ELMO1: variants seen among roughly 807,000 people sequenced by gnomAD.
ELMO1 encodes engulfment and cell motility protein 1.
In ELMO1, 26 loss-of-function variants were observed where a neutral mutation model predicts 98.9. That is an observed-to-expected ratio of 0.26 (90% CI 0.19 to 0.36). The LOEUF is 0.36. ELMO1 is among the 10% of genes least tolerant of loss of function. ELMO1 has a pLI of 1.00. For missense variants in ELMO1, 627 were observed against 935.2 expected (o/e 0.67, Z 4.30); for synonymous variants, 346 against 346.0 (o/e 1.00, Z 0.00).
chr7:36,994,479 C>T (rs1210718726), intron 16 of ELMO1, among the ~76,000 whole-genome samples: 2 of 152,240 alleles, frequency 1.3e-5, no homozygotes, highest in Admixed American at 6.5e-5. Context: ...AATCCTACTG[C>T]AAACCTTAAA....
intron 16 of ELMO1, among the ~76,000 whole-genome samples, chr7:37,001,813 AC>A (rs1792689920): frequency 6.6e-6 from 1 of 152,216 alleles, no homozygotes; most frequent in African/African-American, 2.4e-5. Context: ...CAGAAAAATT[AC>A]TTTAGGTGAA....
intron 13 of ELMO1, among the ~76,000 whole-genome samples, chr7:37,171,679 AGAC>A (rs2129822067): frequency 6.6e-6 from 1 of 151,640 alleles, no homozygotes; most frequent in East Asian, 1.9e-4. Context: ...TTTTTAGTGG[AGAC>A]GGGGTTTCAC....
intron 1 of ELMO1, among the ~76,000 whole-genome samples, chr7:37,386,053 C>A (rs1802790037): frequency 6.6e-6 from 1 of 152,298 alleles, no homozygotes; most frequent in Non-Finnish European, 1.5e-5. Flanking sequence ...GCCTTTTACC[C>A]AGAATGACTT....
chr7:37,021,911 T>C (rs1289447879), intron 15 of ELMO1, among the ~76,000 whole-genome samples: 1 of 152,154 alleles, frequency 6.6e-6, no homozygotes, highest in Non-Finnish European at 1.5e-5. Flanking sequence ...AGTGTGGTAT[T>C]GGTGTATGGA....
intron 13 of ELMO1, among the ~76,000 whole-genome samples, chr7:37,165,425 G>C (rs1789600715): frequency 6.6e-6 from 1 of 151,986 alleles, no homozygotes; most frequent in South Asian, 2.1e-4. Context: ...AGTTTTCAAA[G>C]GGAATGCTTC....
chr7:37,068,390 T>TAAG (rs1202094136), intron 15 of ELMO1, among the ~76,000 whole-genome samples: 3 of 152,234 alleles, frequency 2.0e-5, no homozygotes, highest in Non-Finnish European at 4.4e-5. Context: ...TTGTGACCAT[T>TAAG]AAGATGTGAT....
intron 15 of ELMO1, among the ~76,000 whole-genome samples, chr7:37,060,920 G>A (rs1796636633): frequency 6.6e-6 from 1 of 152,132 alleles, no homozygotes; most frequent in African/African-American, 2.4e-5. Context: ...GAAGGTTTCT[G>A]TCCACAGAGG....
At chr7:37,098,486 G>C (rs1784475926) in intron 14 of ELMO1, among the ~76,000 whole-genome samples, 1 of 152,182 alleles carries the variant, frequency 6.6e-6, no homozygotes, top group African/African-American at 2.4e-5. Context: ...GGACTATTGA[G>C]AATCAAACGA....
At chr7:37,380,908 T>C (rs146869368) in intron 1 of ELMO1, among the ~76,000 whole-genome samples, 55 of 152,274 alleles carry the variant, frequency 3.6e-4, no homozygotes, top group African/African-American at 1.1e-3. Context: ...GAACATTAGA[T>C]AGCACGCCAG....
chr7:37,210,132 TTCTG>T (rs1554443070), intron 13 of ELMO1, among the ~76,000 whole-genome samples: 4 of 152,162 alleles, frequency 2.6e-5, no homozygotes, highest in Non-Finnish European at 2.9e-5. Context: ...GGACATGACT[TTCTG>T]TGTGTGGAAA....
intron 2 of ELMO1, among the ~76,000 whole-genome samples, chr7:37,324,009 C>T (rs1225924132): frequency 6.6e-6 from 1 of 152,206 alleles, no homozygotes; most frequent in African/African-American, 2.4e-5. Context: ...GACCCAGCCA[C>T]CAGGGGAGTC....
At position 37,019,812 on chromosome 7, in the gene ELMO1, G is replaced by A. The variant is rs117359386; in HGVS notation, c.1301-6377C>T. On this transcript the variant is annotated intron_variant, in intron 15 of 21. Coordinates refer to ENST00000310758, the MANE Select transcript of ELMO1 (RefSeq NM_014800.11). Reference sequence around the variant, plus strand: ...CTTTATTTTAAAAACCCAACACAATGGTTTTTTAAGTCTGGAATATTAAGA... The same window carrying A: ...CTTTATTTTAAAAACCCAACACAATAGTTTTTTAAGTCTGGAATATTAAGA... Among the ~76,000 whole-genome samples, 58 of 152,182 alleles carry A rather than the reference G, an allele frequency of 3.8e-4. 1 individual carries two copies. The East Asian group carries it at 0.01, about 27-fold the overall frequency.
intron 16 of ELMO1, among the ~76,000 whole-genome samples, chr7:36,971,660 T>G (rs1313760609): frequency 6.6e-6 from 1 of 152,188 alleles, no homozygotes; most frequent in Admixed American, 6.5e-5. Context: ...CTTTGAAATG[T>G]GTTTGGTCAG....
intron 7 of ELMO1, among the ~76,000 whole-genome samples, chr7:37,240,905 G>T (rs1026914757): frequency 1.3e-5 from 2 of 152,062 alleles, no homozygotes; most frequent in African/African-American, 4.8e-5. Context: ...AACATTCCAT[G>T]TGCATTTGAA....
At chr7:37,314,712 T>C (rs1444657346) in intron 4 of ELMO1, 138 bp downstream of exon 4, 19 of 656,502 alleles carry the variant, frequency 2.9e-5, no homozygotes, top group Non-Finnish European at 4.3e-5. Context: ...AGCAGTTGTT[T>C]GCTTTACAGA....
chr7:37,120,882 G>A (rs184860206), intron 14 of ELMO1, among the ~76,000 whole-genome samples: 26 of 152,236 alleles, frequency 1.7e-4, no homozygotes, highest in Admixed American at 1.3e-3. Context: ...CCCCAGTAGG[G>A]GCAGACTGAC....
intron 13 of ELMO1, among the ~76,000 whole-genome samples, chr7:37,136,647 TAC>T (rs1337344134): frequency 2.0e-5 from 3 of 152,114 alleles, no homozygotes; most frequent in Admixed American, 6.5e-5. Flanking sequence ...GAAGGAAAGA[TAC>T]AGTCTTTTCC....
At chr7:37,369,686 A>G (rs913323398) in intron 1 of ELMO1, among the ~76,000 whole-genome samples, 10 of 151,868 alleles carry the variant, frequency 6.6e-5, no homozygotes, top group South Asian at 2.1e-4. Context: ...AAAAAAAAAA[A>G]AGAGACTGAC....
At chr7:37,338,598 C>T (rs982404174) in intron 2 of ELMO1, among the ~76,000 whole-genome samples, 1 of 152,130 alleles carries the variant, frequency 6.6e-6, no homozygotes, top group Non-Finnish European at 1.5e-5. Flanking sequence ...CCTTGGAGCC[C>T]ACTGCCTCTT....
Sources: allele counts gnomAD v4.1 joint callset (sites outside exome capture counted in the v4.1 genomes callset), GRCh38; gene constraint gnomAD v4.1.1; transcripts MANE v1.5; gene names NCBI Gene and HGNC (gene_info 2026-07-23, HGNC 2026-07-21).